Variants in DLC1 observed in about 807,000 individuals in gnomAD.
The protein encoded by DLC1 is DLC1 Rho GTPase activating protein, also known as rho GTPase-activating protein 7.
In DLC1, 54 loss-of-function variants were observed where a neutral mutation model predicts 140.3. The observed-to-expected ratio is 0.38, with a 90% CI of 0.31 to 0.48. DLC1 has a LOEUF of 0.48. Among genes scored for constraint, DLC1 ranks in the 20% least tolerant of loss-of-function variants. The pLI is 0.96. For missense variants in DLC1, 2,536 were observed against 1,907.0 expected (o/e 1.33, Z -6.14); for synonymous variants, 986 against 728.1 (o/e 1.35, Z -5.70).
intron 5 of DLC1, among the ~76,000 whole-genome samples, chr8:13,273,435 C>A (rs1436291296): frequency 6.6e-6 from 1 of 152,068 alleles, no homozygotes; most frequent in African/African-American, 2.4e-5. Flanking sequence ...AACAGAAACT[C>A]CTGTGGGATG....
At chr8:13,584,524 T>C (rs1805233747) in intron 1 of DLC1, 1 of 152,196 alleles carries the variant, frequency 6.6e-6, no homozygotes, top group African/African-American at 2.4e-5. Context: ...ATTTGGCACT[T>C]GTTTTCCTCT....
At position 13,453,387 on chromosome 8, in the gene DLC1, G is replaced by GATATATATATATATATGTGTATATAT. The variant is rs375440831; in HGVS notation, c.1023+45661_1023+45662insATATATACACATATATATATATATAT. Among the ~76,000 whole-genome samples, 7 of 52,448 alleles carry GATATATATATATATATGTGTATATAT rather than the reference G, an allele frequency of 1.3e-4. 1 individual carries two copies. The East Asian group carries it at 4.0e-3, about 30-fold the overall frequency. 34.4% of individuals were successfully genotyped at this position (52,448 alleles called of 152,430 possible). A position where few individuals can be genotyped will look rare whatever the true frequency, so the allele number is the denominator to read the frequency against. ...TTACTAAAAGAATAAGATGGCCCAG[G>GATATATATATATATATGTGTATATAT]ATATATATATATATGTGTATATATA... is the stretch of plus-strand genomic sequence containing the variant. On this transcript the variant is annotated intron_variant, in intron 2 of 17. Coordinates refer to ENST00000276297, the MANE Select transcript of DLC1 (RefSeq NM_182643.3).
At chr8:13,121,001 A>G (rs533325907) in intron 5 of DLC1, among the ~76,000 whole-genome samples, 1 of 152,338 alleles carries the variant, frequency 6.6e-6, no homozygotes, top group South Asian at 2.1e-4. Context: ...CATTCGCTCT[A>G]GCTTCACAGG....
intron 2 of DLC1, among the ~76,000 whole-genome samples, chr8:13,438,603 C>A (rs1490128824): frequency 6.6e-6 from 1 of 152,134 alleles, no homozygotes; most frequent in African/African-American, 2.4e-5. Context: ...GCAACACTCA[C>A]GTCACTTTCC....
At chr8:13,479,802 AAAGAAGAAG>A (rs60625191) in intron 2 of DLC1, among the ~76,000 whole-genome samples, 1,545 of 56,864 alleles carry the variant, frequency 0.027, 83 homozygotes, top group Non-Finnish European at 0.036. Context: ...GAAAGAAAGA[AAAGAAGAAG>A]AAGAAGAAGA....
intron 1 of DLC1, among the ~76,000 whole-genome samples, chr8:13,532,064 C>G (rs569331686): frequency 6.6e-6 from 1 of 152,278 alleles, no homozygotes; most frequent in African/African-American, 2.4e-5. Flanking sequence ...TTTGTGTATA[C>G]TTTGAATTTA....
intron 1 of DLC1, among the ~76,000 whole-genome samples, chr8:13,503,036 ATTGT>A (rs1801889591): frequency 6.6e-6 from 1 of 152,208 alleles, no homozygotes; most frequent in South Asian, 2.1e-4. Context: ...TTTTGAATTC[ATTGT>A]TTGGGTTAAT....
chr8:13,368,457 T>C (rs1194357525), intron 4 of DLC1, among the ~76,000 whole-genome samples: 1 of 151,584 alleles, frequency 6.6e-6, no homozygotes, highest in East Asian at 1.9e-4. Context: ...CCCAAGGAAA[T>C]CATGAAGGAC....
chr8:13,353,450 G>C (rs568881011), intron 4 of DLC1: 1 of 152,182 alleles, frequency 6.6e-6, no homozygotes, highest in African/African-American at 2.4e-5. Flanking sequence ...GTGGGAATGA[G>C]TGTGGTTTTG....
chr8:13,411,059 G>T (rs574289237), intron 2 of DLC1, among the ~76,000 whole-genome samples: 4 of 152,286 alleles, frequency 2.6e-5, no homozygotes, highest in African/African-American at 7.2e-5. Flanking sequence ...AGTCATACCT[G>T]TTGGTATTTT....
intron 4 of DLC1, among the ~76,000 whole-genome samples, chr8:13,372,714 T>C (rs1835783979): frequency 6.6e-6 from 1 of 152,200 alleles, no homozygotes. Flanking sequence ...AGGCATCCCA[T>C]TTAAAAAGAA....
chr8:13,458,392 TCC>T (rs1409309511), intron 2 of DLC1, among the ~76,000 whole-genome samples: 2 of 152,218 alleles, frequency 1.3e-5, no homozygotes, highest in African/African-American at 4.8e-5. Context: ...AATTCTTAAC[TCC>T]CAGCCCATTG....
At chr8:13,118,071 A>G (rs1820729121) in intron 5 of DLC1, among the ~76,000 whole-genome samples, 1 of 133,040 alleles carries the variant, frequency 7.5e-6, no homozygotes, top group African/African-American at 3.2e-5. Context: ...GGGCAGTGTT[A>G]TGATCCTAGC....
chr8:13,161,947 C>G (rs1428352826), intron 5 of DLC1, among the ~76,000 whole-genome samples: 1 of 152,158 alleles, frequency 6.6e-6, no homozygotes. Flanking sequence ...TAGGTAGAGG[C>G]TTTTGTGATA....
At chr8:13,378,244 G>T (rs922496546) in intron 4 of DLC1, among the ~76,000 whole-genome samples, 1 of 149,896 alleles carries the variant, frequency 6.7e-6, no homozygotes, top group African/African-American at 2.4e-5. Flanking sequence ...CCTAATTCCA[G>T]AAAAAAATCT....
chr8:13,474,260 TG>T (rs1304761910), intron 2 of DLC1, among the ~76,000 whole-genome samples: 6 of 152,182 alleles, frequency 3.9e-5, no homozygotes, highest in Non-Finnish European at 7.3e-5. Context: ...ACCCAAGTCT[TG>T]GCAGCTTCCA....
At chr8:13,284,338 C>A (rs904707918) in intron 5 of DLC1, among the ~76,000 whole-genome samples, 1 of 152,042 alleles carries the variant, frequency 6.6e-6, no homozygotes. Flanking sequence ...ACCAGCCTGA[C>A]CAACATGGTG....
chr8:13,392,478 T>C (rs1024634441), intron 4 of DLC1, among the ~76,000 whole-genome samples: 1 of 152,226 alleles, frequency 6.6e-6, no homozygotes, highest in Non-Finnish European at 1.5e-5. Flanking sequence ...GCAGCAAATC[T>C]GTCATGTTTT....
chr8:13,491,618 CTAAT>C (rs1398584979), intron 2 of DLC1, among the ~76,000 whole-genome samples: 3 of 152,158 alleles, frequency 2.0e-5, no homozygotes, highest in Non-Finnish European at 2.9e-5. Context: ...TTGCTATTGA[CTAAT>C]TAGTTATGAT....
Sources: allele counts gnomAD v4.1 joint callset (sites outside exome capture counted in the v4.1 genomes callset), GRCh38; gene constraint gnomAD v4.1.1; transcripts MANE v1.5; gene names NCBI Gene and HGNC (gene_info 2026-07-23, HGNC 2026-07-21).